CCDC191: variants seen among roughly 807,000 people sequenced by gnomAD.
CCDC191 encodes the protein coiled-coil domain-containing protein 191.
A neutral mutation model predicts 114.0 loss-of-function variants in CCDC191; 99 were observed. The observed-to-expected ratio is 0.87, with a 90% CI of 0.74 to 1.03. The LOEUF is 1.03. CCDC191 is among the 50% of genes least tolerant of loss of function. The probability of loss-of-function intolerance (pLI) is 0.00; values close to 1 mark genes in which losing one functional copy is unlikely to be tolerated. For missense variants in CCDC191, 973 were observed against 1,087.0 expected, an observed-to-expected ratio of 0.90 and a Z score of 1.47; for synonymous variants, 351 against 376.0, an observed-to-expected ratio of 0.93 and a Z score of 0.77.
At chr3:114,023,469 C>T (rs1336810159) in intron 7 of CCDC191, among the ~76,000 whole-genome samples, 3 of 152,180 alleles carry the variant, frequency 2.0e-5, no homozygotes, top group Non-Finnish European at 4.4e-5. Flanking sequence ...TACAAGGCTA[C>T]AGTAACCAAA....
At chr3:114,028,463 A>G (rs2076357157) in intron 7 of CCDC191, among the ~76,000 whole-genome samples, 1 of 151,108 alleles carries the variant, frequency 6.6e-6, no homozygotes, top group African/African-American at 2.4e-5. Context: ...TTTTTTGTAT[A>G]TTTAGTAGAG....
At chr3:113,991,522 A>C (rs2075565729) in intron 13 of CCDC191, among the ~76,000 whole-genome samples, 1 of 152,210 alleles carries the variant, frequency 6.6e-6, no homozygotes, top group African/African-American at 2.4e-5. Flanking sequence ...AATTCCCTTC[A>C]TCTAATAAAA....
chr3:114,042,398 A>G (rs532918330), intron 4 of CCDC191, among the ~76,000 whole-genome samples: 34 of 152,334 alleles, frequency 2.2e-4, no homozygotes, highest in Admixed American at 1.5e-3. Flanking sequence ...GCGAGAGGAT[A>G]CGCACAAGAC....
At chr3:114,052,804 G>A (rs923666909) in intron 2 of CCDC191, among the ~76,000 whole-genome samples, 1 of 152,098 alleles carries the variant, frequency 6.6e-6, no homozygotes, top group African/African-American at 2.4e-5. Context: ...TCTGGGATCT[G>A]GTGCTCATGA....
At chr3:114,011,643 T>G (rs1467661443) in intron 8 of CCDC191, among the ~76,000 whole-genome samples, 1 of 152,154 alleles carries the variant, frequency 6.6e-6, no homozygotes, top group Non-Finnish European at 1.5e-5. Context: ...GCACTAGATG[T>G]GTAAAGGGCA....
chr3:113,979,362 C>T (rs943435012), intron 14 of CCDC191, among the ~76,000 whole-genome samples: 4 of 152,196 alleles, frequency 2.6e-5, no homozygotes, highest in African/African-American at 9.7e-5. Flanking sequence ...GACAGCAACT[C>T]CACAACAAAC....
At chr3:114,024,108 A>G (rs900642253) in intron 7 of CCDC191, among the ~76,000 whole-genome samples, 5 of 152,368 alleles carry the variant, frequency 3.3e-5, no homozygotes, top group East Asian at 3.9e-4. Flanking sequence ...AATGCTCATC[A>G]TCACTGGCCA....
At chr3:114,008,341 T>C (rs2076009633) in intron 9 of CCDC191, among the ~76,000 whole-genome samples, 1 of 151,776 alleles carries the variant, frequency 6.6e-6, no homozygotes, top group Non-Finnish European at 1.5e-5. Context: ...ATGTTACACA[T>C]AAGTCCCAAC....
rs974558400 is a variant in CCDC191, at chr3:114,010,476, T to G, written c.1413+296A>C. 5.3e-5 allele frequency among the ~76,000 whole-genome samples: 8 copies of G among 152,156 alleles called. 1 individual carries two copies. Among genetic ancestry groups the G allele is most frequent in the Non-Finnish European group, 8.8e-5 (6 of 68,028 alleles). ...ATGTCTGATGATCAAAAAGGGGAGT[T>G]CAAGAGTTATAGACAGTGCTTTACC... On this transcript the variant is annotated intron_variant, in intron 9 of 16. Transcript: ENST00000295878.
At chr3:113,978,588 G>A (rs973013479) in intron 15 of CCDC191, 1 of 578,020 alleles carries the variant, frequency 1.7e-6, no homozygotes, top group African/African-American at 1.9e-5. Context: ...TGTGAGACAA[G>A]AAACAAGAAA....
At chr3:113,981,456 TAATAAA>T (rs2075147192) in intron 13 of CCDC191, among the ~76,000 whole-genome samples, 1 of 152,288 alleles carries the variant, frequency 6.6e-6, no homozygotes, top group South Asian at 2.1e-4. Flanking sequence ...TTTTCTCTTT[TAATAAA>T]AATAGCTTAT....
chr3:114,015,681 T>C (rs1169710090), intron 8 of CCDC191, among the ~76,000 whole-genome samples: 2 of 152,236 alleles, frequency 1.3e-5, no homozygotes, highest in African/African-American at 4.8e-5. Flanking sequence ...ATTTAGTGTG[T>C]ATACTAGAAT....
At chr3:113,997,472 C>T (rs139243029) in intron 13 of CCDC191, among the ~76,000 whole-genome samples, 238 of 152,264 alleles carry the variant, frequency 1.6e-3, no homozygotes, top group African/African-American at 5.3e-3. Flanking sequence ...TTAGATCTTG[C>T]TTTCCAAATA....
At chr3:114,027,670 G>A (rs971787991) in intron 7 of CCDC191, among the ~76,000 whole-genome samples, 3 of 150,344 alleles carry the variant, frequency 2.0e-5, no homozygotes, top group Non-Finnish European at 4.4e-5. Flanking sequence ...GGAATTAAAG[G>A]AACCTAAACT....
At chr3:114,048,657 C>T (rs2076661693) in intron 2 of CCDC191, among the ~76,000 whole-genome samples, 1 of 152,154 alleles carries the variant, frequency 6.6e-6, no homozygotes, top group Non-Finnish European at 1.5e-5. Context: ...CCAGTAAGGC[C>T]TTCTTTGACT....
chr3:114,014,025 C>A (rs1316342215), intron 8 of CCDC191, among the ~76,000 whole-genome samples: 1 of 152,208 alleles, frequency 6.6e-6, no homozygotes, highest in African/African-American at 2.4e-5. Flanking sequence ...GTAATACCCA[C>A]TGTCTTAGGA....
chr3:114,007,467 G>A (rs1437296182), intron 9 of CCDC191, among the ~76,000 whole-genome samples: 1 of 152,164 alleles, frequency 6.6e-6, no homozygotes, highest in Non-Finnish European at 1.5e-5. Context: ...TTTCAGTAAT[G>A]TCAGTGAACA....
chr3:113,969,068 G>A (rs1940525338), intron 16 of CCDC191, among the ~76,000 whole-genome samples: 1 of 152,084 alleles, frequency 6.6e-6, no homozygotes, highest in Non-Finnish European at 1.5e-5. Flanking sequence ...GGAGGGAGGT[G>A]CCAGGTTCTT....
chr3:114,003,221 T>A, intron 11 of CCDC191: 2 of 985,406 alleles, frequency 2.0e-6, no homozygotes, highest in Non-Finnish European at 2.4e-6. Context: ...TATGACTCTA[T>A]AATCAGTTGG....
Sources: gnomAD v4.1 joint callset for allele counts (sites outside exome capture counted in the v4.1 genomes callset) on GRCh38, gnomAD v4.1.1 for gene constraint, MANE v1.5 for transcripts, NCBI Gene and HGNC (gene_info 2026-07-23, HGNC 2026-07-21) for gene names.